Variants in C14orf93 observed in about 807,000 individuals in gnomAD.
C14orf93 encodes the protein chromosome 14 open reading frame 93, also known as uncharacterized protein C14orf93.
A neutral mutation model predicts 44.0 loss-of-function variants in C14orf93; 23 were observed. That is an observed-to-expected ratio of 0.52 (90% CI 0.38 to 0.74). The LOEUF is 0.74. Ranked by LOEUF, C14orf93 falls within the 30% of genes least tolerant of loss-of-function variation. C14orf93 has a pLI of 0.00. For missense variants in C14orf93, 579 were observed against 678.9 expected (o/e 0.85, Z 1.64); for synonymous variants, 253 against 265.7 (o/e 0.95, Z 0.46).
At chr14:23,008,127 C>CT (rs914119038) in intron 1 of C14orf93, among the ~76,000 whole-genome samples, 2 of 139,792 alleles carry the variant, frequency 1.4e-5, no homozygotes, top group African/African-American at 2.6e-5. Context: ...CCACTGCAGC[C>CT]TGGGCAACAA....
Position 23,003,526 on chromosome 14 carries a change from C to T in C14orf93, c.-379-4124G>A, listed in dbSNP as rs370774714. Among the ~76,000 whole-genome samples the T allele has an allele frequency of 5.9e-4, 90 of 152,094 alleles. 1 individual carries two copies. In the South Asian group the frequency reaches 0.017, roughly 28 times the overall value. Reference sequence around the variant, plus strand: ...TGAGCTGGGCCAGGCACGTGGCTTACGCCTATAATCCCAGCACTTTGGGAG... The same window carrying T: ...TGAGCTGGGCCAGGCACGTGGCTTATGCCTATAATCCCAGCACTTTGGGAG... On this transcript the variant is annotated intron_variant, in intron 1 of 6. Coordinates refer to ENST00000299088, the MANE Select transcript of C14orf93 (RefSeq NM_021944.4).
rs759408365 is a variant in C14orf93, at chr14:22,998,750, G to GT, written c.273dup (p.Arg92ThrfsTer8). 21 of 1,614,072 alleles carry GT rather than the reference G, an allele frequency of 1.3e-5. No individual in the cohort carries two copies. Among genetic ancestry groups the GT allele is most frequent in the African/African-American group, 4.0e-5 (3 of 74,914 alleles). On this transcript the variant is annotated frameshift_variant, in exon 2 of 7. Transcript: ENST00000299088. LOFTEE classifies it high-confidence loss of function. Reference sequence around the variant, plus strand: ...AGGTCACCCACTTCCTCCTGGAGACGTTTTAACAACTCATTGTTGGCCCTG... The same window carrying GT: ...AGGTCACCCACTTCCTCCTGGAGACGTTTTTAACAACTCATTGTTGGCCCTG...
rs1194335582 is a variant in C14orf93 at position 23,006,636 on chromosome 14, G to A, written c.-380+3465C>T. 4 of 152,354 alleles carry A rather than the reference G, an allele frequency of 2.6e-5. No homozygotes were observed. The East Asian group carries it at 7.7e-4, about 29-fold the overall frequency. 9.4% of individuals were successfully genotyped at this position (152,354 alleles called of 1,614,324 possible). ...TGAAAAAGTAGCTCCTAGAACTCGT[G>A]CCAGCGAGAACTTGGTAAATGTTAG... On this transcript the variant is annotated intron_variant, in intron 1 of 6. Coordinates refer to ENST00000299088, the MANE Select transcript of C14orf93 (RefSeq NM_021944.4).
At position 22,996,374 on chromosome 14, in the gene C14orf93, G is replaced by A; in HGVS notation, c.598-106C>T. ...AGTGAACAGAAAGTGGAAAGAAGGG[G>A]AACTCTAGCACAGTCTTTAATGGTC... On this transcript the variant is annotated intron_variant, in intron 2 of 6. Transcript: ENST00000299088. This position sits in a 1 kb window ranked among gnomAD's most constrained non-coding sequence, Gnocchi z 4.1. The A allele has an allele frequency of 8.8e-7, 1 of 1,139,224 alleles. No individual in the cohort carries two copies. The highest frequency in any genetic ancestry group is 1.2e-6 in the Non-Finnish European group (1 of 820,508). 70.6% of individuals were successfully genotyped at this position (1,139,224 alleles called of 1,614,324 possible).
At chr14:23,003,881 TATATATATATATATA>T (rs1566696854) in intron 1 of C14orf93, among the ~76,000 whole-genome samples, 15 of 16,486 alleles carry the variant, frequency 9.1e-4, no homozygotes, top group African/African-American at 1.5e-3. Context: ...TATATATATA[TATATATATATATATA>T]TATTTTTTTT....
In C14orf93 at chr14:22,988,016, C is replaced by T. The variant is rs2045339798; in HGVS notation, c.1085-1G>A. 1.9e-6 allele frequency: 3 copies of T among 1,608,288 alleles called. No individual in the cohort carries two copies. Among genetic ancestry groups the T allele is most frequent in the Non-Finnish European group, 8.5e-7 (1 of 1,175,316 alleles). ...GTAAGGAAGTAGGCCACACAGGCTCCTGGCGGGGAGGGAAGGAAGGGAGCA... is the reference window on the plus strand; with the variant it reads ...GTAAGGAAGTAGGCCACACAGGCTCTTGGCGGGGAGGGAAGGAAGGGAGCA... On this transcript the variant is annotated splice_acceptor_variant, in intron 5 of 6. Transcript: ENST00000299088. LOFTEE classifies it high-confidence loss of function.
intron 5 of C14orf93, 80 bp from the exon 6 acceptor site, chr14:22,988,095 T>TA: frequency 1.1e-6 from 1 of 913,452 alleles, no homozygotes; most frequent in Non-Finnish European, 1.8e-6. Flanking sequence ...GCCCTAACAC[T>TA]ATTGAATGGG....
At chr14:23,007,032 C>T (rs1404719363) in intron 1 of C14orf93, 1 of 152,320 alleles carries the variant, frequency 6.6e-6, no homozygotes, top group Admixed American at 6.5e-5. Context: ...AGCTTTGCAG[C>T]CCTACAGATG....
At chr14:22,994,704 G>C (rs1354358465) in intron 3 of C14orf93, among the ~76,000 whole-genome samples, 1 of 151,680 alleles carries the variant, frequency 6.6e-6, no homozygotes, top group Non-Finnish European at 1.5e-5. Flanking sequence ...TCCAGCCTGG[G>C]CAATGGGAGT....
chr14:22,995,177 C>G (rs1350215596), intron 3 of C14orf93, among the ~76,000 whole-genome samples: 1 of 152,200 alleles, frequency 6.6e-6, no homozygotes, highest in African/African-American at 2.4e-5. Context: ...ACTGGAATCT[C>G]CAAACCTCTA....
intron 1 of C14orf93, among the ~76,000 whole-genome samples, chr14:23,007,281 G>C (rs536177458): frequency 6.6e-6 from 1 of 152,252 alleles, no homozygotes. Context: ...AAAAAGTCAG[G>C]TAGGGGAGGG....
At chr14:23,003,657 C>T (rs1029283286) in intron 1 of C14orf93, among the ~76,000 whole-genome samples, 8 of 151,094 alleles carry the variant, frequency 5.3e-5, no homozygotes, top group South Asian at 2.1e-4. Context: ...AAAAAGTAGC[C>T]GCGCATGCTG....
Position 22,987,913 on chromosome 14 carries a change from C to T in C14orf93, c.1187G>A (p.Arg396His), listed in dbSNP as rs896312157. ...GGCCTAGAAACCTACCCGATATCGG[C>T]GACTTCGAAGTTTCTTCTCCTCTTT... is the stretch of plus-strand genomic sequence containing the variant. ...KEKEEKKLRS[R>H]RYRLFANRSS... Residue 396 changes from arginine (R) to histidine (H), a missense_variant, in exon 6 of 7, where the codon CGC (arginine) becomes CAC (histidine). Arg to His is a conservative substitution (Grantham distance 29, BLOSUM62 0). Coordinates refer to ENST00000299088, the MANE Select transcript of C14orf93 (RefSeq NM_021944.4). This position sits in a 1 kb window ranked among gnomAD's most constrained non-coding sequence, Gnocchi z 5.6. 5.0e-6 allele frequency: 8 copies of T among 1,612,620 alleles called. No individual in the cohort carries two copies. In the African/African-American group the frequency reaches 6.7e-5, roughly 13 times the overall value.
chr14:22,987,689 T>C lies in C14orf93; in HGVS notation c.1198-55A>G. ...GAAGGTAAACATTCTATGGATTAGA[T>C]TTGGGGAAAAGGTTTGGTGGGGAAG... On this transcript the variant is annotated intron_variant, in intron 6 of 6. Coordinates refer to ENST00000299088, the MANE Select transcript of C14orf93 (RefSeq NM_021944.4). The surrounding 1 kb of genome is among the most constrained non-coding windows in gnomAD (Gnocchi z 5.6). 1 of 1,511,570 alleles carries C rather than the reference T, an allele frequency of 6.6e-7. No individual in the cohort carries two copies. Among genetic ancestry groups the C allele is most frequent in the Non-Finnish European group, 8.8e-7 (1 of 1,129,944 alleles). The allele number at this position is 1,511,570 out of a possible 1,614,324, so 93.6% of individuals were successfully genotyped here. A position where few individuals can be genotyped will look rare whatever the true frequency, so the allele number is the denominator to read the frequency against.
At chr14:22,991,249 G>T (rs570356722) in intron 3 of C14orf93, among the ~76,000 whole-genome samples, 3 of 150,064 alleles carry the variant, frequency 2.0e-5, no homozygotes, top group African/African-American at 4.9e-5. Context: ...TTTGCCAGCC[G>T]GGCGCGGTGG....
chr14:22,999,201 T>C lies in C14orf93; in HGVS notation c.-178A>G, dbSNP rs1185881494. On this transcript the variant is annotated 5_prime_UTR_variant, in exon 2 of 7. An upstream start codon of the reference 5' UTR is lost. Transcript: ENST00000299088. ...AAGCCATGAAGAAGCACACAGTCCA[T>C]GGCGGCCTCTCCTCGGCCTGCAGAA... The C allele has an allele frequency of 2.0e-6, 2 of 976,916 alleles. No homozygotes were observed. Among genetic ancestry groups the C allele is most frequent in the Non-Finnish European group, 2.9e-6 (2 of 688,948 alleles). The allele number at this position is 976,916 out of a possible 1,614,324, so 60.5% of individuals were successfully genotyped here. A position where few individuals can be genotyped will look rare whatever the true frequency, so the allele number is the denominator to read the frequency against.
At chr14:23,000,606 C>T (rs1240519162) in intron 1 of C14orf93, among the ~76,000 whole-genome samples, 2 of 151,064 alleles carry the variant, frequency 1.3e-5, no homozygotes, top group African/African-American at 2.4e-5. Context: ...ACCCCAGCTA[C>T]TCGGGAGGTT....
intron 1 of C14orf93, among the ~76,000 whole-genome samples, chr14:23,004,842 C>T (rs1348440915): frequency 6.6e-6 from 1 of 152,008 alleles, no homozygotes; most frequent in African/African-American, 2.4e-5. Flanking sequence ...CACTTGAACC[C>T]GGGAGGTGGA....
Position 22,996,160 on chromosome 14 carries a change from G to C in C14orf93, c.706C>G (p.Pro236Ala), listed in dbSNP as rs756255543. The change falls in exon 3 of 7, where the codon CCA (proline) becomes GCA (alanine). Residue 236 changes from proline (P) to alanine (A), a missense_variant. Pro to Ala is a conservative substitution (Grantham distance 27). Coordinates refer to ENST00000299088, the MANE Select transcript of C14orf93 (RefSeq NM_021944.4). The surrounding 1 kb of genome is among the most constrained non-coding windows in gnomAD (Gnocchi z 4.1). ...ATQLAIQRAT[P>A]ETGPENGTKL... ...GTTCCATTTTCTGGTCCTGTCTCTG[G>C]GGTTGCCCGCTGGATTGCCAGTTGT... The C allele has an allele frequency of 7.4e-6, 12 of 1,613,880 alleles. No homozygotes were observed. The highest frequency in any genetic ancestry group is 5.0e-5 in the Admixed American group (3 of 59,986).
Sources: gnomAD v4.1 joint callset for allele counts (sites outside exome capture counted in the v4.1 genomes callset) on GRCh38, gnomAD v4.1.1 for gene constraint, Gnocchi (gnomAD v3.1) non-coding constraint, MANE v1.5 for transcripts, NCBI Gene and HGNC (gene_info 2026-07-23, HGNC 2026-07-21) for gene names.